LSS: variants seen among roughly 807,000 people sequenced by gnomAD.
LSS encodes the protein lanosterol synthase.
Under a neutral mutation model 110.3 loss-of-function variants are expected in LSS, and 90 were observed. The observed-to-expected ratio is 0.82, with a 90% CI of 0.69 to 0.97. LSS has a LOEUF of 0.97. Among genes scored for constraint, LSS ranks in the 50% least tolerant of loss-of-function variants. The pLI, the probability that LSS is intolerant of heterozygous loss-of-function variation, is 0.00. For missense variants in LSS, 927 were observed against 990.0 expected (o/e 0.94, Z 0.85); for synonymous variants, 433 against 400.0 (o/e 1.08, Z -0.98).
intron 3 of LSS, among the ~76,000 whole-genome samples, chr21:46,223,905 G>A (rs553953237): frequency 1.3e-5 from 2 of 152,152 alleles, no homozygotes; most frequent in African/African-American, 4.8e-5. Flanking sequence ...AACAACACCC[G>A]CTACTTAGCA....
At chr21:46,196,784 C>T (rs1300581456) in intron 17 of LSS, among the ~76,000 whole-genome samples, 2 of 152,196 alleles carry the variant, frequency 1.3e-5, no homozygotes, top group Non-Finnish European at 2.9e-5. Flanking sequence ...TTGATGGGTG[C>T]GGGTCCTGGG....
intron 17 of LSS, among the ~76,000 whole-genome samples, chr21:46,198,349 C>T (rs2079936425): frequency 6.6e-6 from 1 of 151,122 alleles, no homozygotes; most frequent in African/African-American, 2.4e-5. Flanking sequence ...ACGCCATTTA[C>T]ATTAGCACCA....
intron 17 of LSS, among the ~76,000 whole-genome samples, chr21:46,198,541 G>A (rs1320709204): frequency 6.6e-6 from 1 of 152,236 alleles, no homozygotes; most frequent in African/African-American, 2.4e-5. Flanking sequence ...ACTCTAAAAT[G>A]TATATGGAGA....
At chr21:46,223,859 C>T (rs560313191) in intron 3 of LSS, among the ~76,000 whole-genome samples, 4 of 152,282 alleles carry the variant, frequency 2.6e-5, no homozygotes, top group East Asian at 3.9e-4. Context: ...CGTTGCCGAG[C>T]GGACGGTGGT....
intron 17 of LSS, among the ~76,000 whole-genome samples, chr21:46,200,022 G>A (rs1439214056): frequency 6.6e-6 from 1 of 152,200 alleles, no homozygotes; most frequent in African/African-American, 2.4e-5. Context: ...GGGAAGGTGC[G>A]AGGAGTTAGC....
intron 19 of LSS, 60 bp downstream of exon 19, chr21:46,195,616 A>G: frequency 7.0e-7 from 1 of 1,430,320 alleles, no homozygotes; most frequent in Non-Finnish European, 9.8e-7. Context: ...AGCAAAAAAC[A>G]CTCATGACAG....
rs748548387 is a variant in LSS, at chr21:46,222,714, G to A, written c.344C>T (p.Ala115Val). The A allele has an allele frequency of 2.0e-5, 33 of 1,613,824 alleles. No homozygotes were observed. Among genetic ancestry groups the A allele is most frequent in the Admixed American group, 1.0e-4 (6 of 60,036 alleles). ...LPGLLITCHV[A>V]RIPLPAGYRE... ...GTATCCGGCTGGCAGAGGGATGCGT[G>A]CCACGTGGCAAGTGATCAGGAGGCC... The change falls in exon 4 of 22, where the codon GCA (alanine) becomes GTA (valine). Residue 115 changes from alanine to valine, a missense_variant. Transcript: ENST00000397728.
At chr21:46,217,958 G>A (rs1200197276) in intron 6 of LSS, among the ~76,000 whole-genome samples, 1 of 152,156 alleles carries the variant, frequency 6.6e-6, no homozygotes, top group Non-Finnish European at 1.5e-5. Flanking sequence ...TACCCTCCCG[G>A]GGTGATCTCA....
Position 46,190,184 on chromosome 21 carries a change from C to T in LSS, c.*920G>A, listed in dbSNP as rs1242855676. On this transcript the variant is annotated 3_prime_UTR_variant, in exon 22 of 22. Coordinates refer to ENST00000397728, the MANE Select transcript of LSS (RefSeq NM_002340.6). This position sits in a 1 kb window ranked among gnomAD's most constrained non-coding sequence, Gnocchi z 4.6. ...TGTCCCTGCACATAGCAGTGCCCCGCGGCAGTAACTACAACTGCTGCCTGC... is the reference window on the plus strand; with the variant it reads ...TGTCCCTGCACATAGCAGTGCCCCGTGGCAGTAACTACAACTGCTGCCTGC... 1.1e-5 allele frequency: 2 copies of T among 184,440 alleles called. No individual in the cohort carries two copies. Among genetic ancestry groups the T allele is most frequent in the Admixed American group, 5.4e-5 (1 of 18,568 alleles). 11.4% of individuals were successfully genotyped at this position (184,440 alleles called of 1,614,324 possible).
chr21:46,217,229 G>A (rs1407538592), intron 6 of LSS, among the ~76,000 whole-genome samples: 16 of 138,738 alleles, frequency 1.2e-4, no homozygotes, highest in African/African-American at 2.8e-4. Context: ...GTGACAGAGC[G>A]AGAGACTCTG....
intron 15 of LSS, among the ~76,000 whole-genome samples, chr21:46,207,197 C>T (rs1392554804): frequency 6.6e-6 from 1 of 152,266 alleles, no homozygotes; most frequent in Non-Finnish European, 1.5e-5. Flanking sequence ...GTATCGGTGG[C>T]TGGGCTGGAC....
chr21:46,221,928 A>T lies in LSS; in HGVS notation c.476T>A (p.Val159Glu). 1.2e-6 allele frequency: 2 copies of T among 1,614,196 alleles called. No homozygotes were observed. Residue 159 changes from valine (V) to glutamate (E), a missense_variant, in exon 5 of 22, where the codon GTG becomes GAG. By Grantham distance (121) the Val-to-Glu change is moderately radical (BLOSUM62 -2). Transcript: ENST00000397728. The part of the protein sequence containing the change: ...STVFGTALNY[V>E]SLRILGVGPD... Reference sequence around the variant, plus strand: ...CCCAACACCCAGAATTCTGAGAGACACATAGTTGAGCGCAGTCCCAAACAC... The same window carrying T: ...CCCAACACCCAGAATTCTGAGAGACTCATAGTTGAGCGCAGTCCCAAACAC...
At chr21:46,227,398 G>A (rs953332096) in intron 3 of LSS, 154 bp downstream of exon 3, 1 of 879,258 alleles carries the variant, frequency 1.1e-6, no homozygotes, top group African/African-American at 1.7e-5. Flanking sequence ...ACCAATAGCA[G>A]GACGACTCTG....
chr21:46,205,767 G>C (rs1045047473), intron 17 of LSS, 69 bp downstream of exon 17: 4 of 1,251,634 alleles, frequency 3.2e-6, no homozygotes, highest in Admixed American at 2.2e-5. Flanking sequence ...CCGTGTCACA[G>C]AATGATGCGT....
At chr21:46,217,053 C>G (rs1021704814) in intron 6 of LSS, among the ~76,000 whole-genome samples, 2 of 151,996 alleles carry the variant, frequency 1.3e-5, no homozygotes, top group African/African-American at 2.4e-5. Context: ...TTGAGACCAG[C>G]CTGACCAACA....
At chr21:46,208,107 A>T (rs2080077267) in intron 14 of LSS, 144 bp downstream of exon 14, 3 of 698,306 alleles carry the variant, frequency 4.3e-6, no homozygotes, top group Admixed American at 2.6e-5. Flanking sequence ...CCCCTAGGCC[A>T]GGCATCCACC....
chr21:46,216,640 C>T lies in LSS; in HGVS notation c.648-116G>A, dbSNP rs1402811688. The stretch of plus-strand genomic sequence containing the variant: ...ACACTGGTGGATGGCTATTCCCCAC[C>T]ACGTCAGTGCATCTGCGGGCATTTC... On this transcript the variant is annotated intron_variant, in intron 6 of 21. Coordinates refer to ENST00000397728, the MANE Select transcript of LSS (RefSeq NM_002340.6). The surrounding 1 kb of genome is among the most constrained non-coding windows in gnomAD (Gnocchi z 4.2). The T allele has an allele frequency of 7.8e-7, 1 of 1,282,942 alleles. No individual in the cohort carries two copies. Among genetic ancestry groups the T allele is most frequent in the Non-Finnish European group, 1.0e-6 (1 of 956,696 alleles). 79.5% of individuals were successfully genotyped at this position (1,282,942 alleles called of 1,614,324 possible).
chr21:46,208,008 T>C (rs2080076388), intron 14 of LSS, among the ~76,000 whole-genome samples: 2 of 152,244 alleles, frequency 1.3e-5, no homozygotes, highest in South Asian at 4.1e-4. Flanking sequence ...GTGTGTGCCG[T>C]GACCACTGGA....
intron 15 of LSS, 121 bp from the exon 16 acceptor site, chr21:46,206,889 G>A: frequency 1.3e-6 from 1 of 742,248 alleles, no homozygotes; most frequent in Non-Finnish European, 2.3e-6. Context: ...CAGGAACAGG[G>A]GGCGGAGAGC....
Sources: gnomAD v4.1 joint callset for allele counts (sites outside exome capture counted in the v4.1 genomes callset) on GRCh38, gnomAD v4.1.1 for gene constraint, Gnocchi (gnomAD v3.1) non-coding constraint, MANE v1.5 for transcripts, NCBI Gene and HGNC (gene_info 2026-07-23, HGNC 2026-07-21) for gene names.